LEF1: variants seen among roughly 807,000 people sequenced by gnomAD.
The protein encoded by LEF1 is lymphoid enhancer binding factor 1, also known as lymphoid enhancer-binding factor 1.
A neutral mutation model predicts 51.2 loss-of-function variants in LEF1; 14 were observed. That is an observed-to-expected ratio of 0.27 (90% CI 0.18 to 0.43). The LOEUF is 0.43. Among genes scored for constraint, LEF1 ranks in the 20% least tolerant of loss-of-function variants. The pLI is 1.00. For missense variants in LEF1, 386 were observed against 512.0 expected, an observed-to-expected ratio of 0.75 and a Z score of 2.37; for synonymous variants, 185 against 183.2, an observed-to-expected ratio of 1.01 and a Z score of -0.08.
chr4:108,144,127 T>C (rs984157743), intron 3 of LEF1, among the ~76,000 whole-genome samples: 2 of 152,174 alleles, frequency 1.3e-5, no homozygotes, highest in Non-Finnish European at 2.9e-5. Context: ...GGGACCCCTC[T>C]AGATGAGGCA....
intron 11 of LEF1, among the ~76,000 whole-genome samples, chr4:108,051,854 G>C (rs1737015531): frequency 6.6e-6 from 1 of 152,010 alleles, no homozygotes; most frequent in Admixed American, 6.5e-5. Flanking sequence ...AAGCAATAAA[G>C]GTGAATCTAA....
chr4:108,164,390 T>C (rs182882989), intron 2 of LEF1, among the ~76,000 whole-genome samples: 218 of 152,292 alleles, frequency 1.4e-3, no homozygotes, highest in Admixed American at 3.3e-3. Flanking sequence ...GGTTGACATA[T>C]TGTATGTAAA....
intron 3 of LEF1, among the ~76,000 whole-genome samples, chr4:108,097,759 G>C (rs551280945): frequency 1.6e-3 from 239 of 152,080 alleles, no homozygotes; most frequent in African/African-American, 5.5e-3. Context: ...AATATCTGCT[G>C]CCTTATTCTG....
At chr4:108,149,106 A>G (rs1560824214) in intron 3 of LEF1, among the ~76,000 whole-genome samples, 1 of 152,232 alleles carries the variant, frequency 6.6e-6, no homozygotes, top group Non-Finnish European at 1.5e-5. Context: ...AACTGTTTAC[A>G]TGCTTACTAT....
chr4:108,065,132 G>A (rs1737980673), intron 9 of LEF1, among the ~76,000 whole-genome samples: 3 of 152,166 alleles, frequency 2.0e-5, no homozygotes, highest in Admixed American at 2.0e-4. Flanking sequence ...AAATTAAAAA[G>A]CTTAGATCCC....
intron 3 of LEF1, among the ~76,000 whole-genome samples, chr4:108,092,886 C>T (rs1393914082): frequency 9.0e-6 from 1 of 110,936 alleles, no homozygotes; most frequent in Admixed American, 1.3e-4. Flanking sequence ...CGTCAGGCAG[C>T]AGGGGGTGGG....
chr4:108,157,179 T>TACACACACACACACACACACACAC (rs59867246), intron 3 of LEF1, among the ~76,000 whole-genome samples: 2 of 116,738 alleles, frequency 1.7e-5, no homozygotes, highest in African/African-American at 3.3e-5. Flanking sequence ...TATATATATA[T>TACACACACACACACACACACACAC]ACACACACAC....
At chr4:108,093,012 G>A (rs574387021) in intron 3 of LEF1, among the ~76,000 whole-genome samples, 2 of 150,874 alleles carry the variant, frequency 1.3e-5, no homozygotes, top group African/African-American at 4.9e-5. Context: ...GGTGATAGGA[G>A]AAAGTGTGTA....
chr4:108,066,145 C>T (rs1450774215), intron 9 of LEF1, among the ~76,000 whole-genome samples: 4 of 152,116 alleles, frequency 2.6e-5, no homozygotes, highest in African/African-American at 7.2e-5. Flanking sequence ...TCAAGTAATC[C>T]GCCCCTATAA....
At chr4:108,141,288 G>A (rs532795624) in intron 3 of LEF1, among the ~76,000 whole-genome samples, 3 of 152,172 alleles carry the variant, frequency 2.0e-5, no homozygotes, top group Non-Finnish European at 4.4e-5. Context: ...TCAGCTTGCT[G>A]AAATATGGTT....
At chr4:108,084,882 C>T (rs1739543119) in intron 4 of LEF1, among the ~76,000 whole-genome samples, 2 of 152,012 alleles carry the variant, frequency 1.3e-5, no homozygotes, top group South Asian at 4.2e-4. Flanking sequence ...TTGCTGCCCC[C>T]TTAACTCTGA....
intron 3 of LEF1, among the ~76,000 whole-genome samples, chr4:108,117,737 G>A (rs1741927157): frequency 6.6e-6 from 1 of 152,166 alleles, no homozygotes; most frequent in Admixed American, 6.5e-5. Flanking sequence ...GAGCAGGGAG[G>A]GGATCAGGGT....
chr4:108,145,270 A>C (rs1057434480), intron 3 of LEF1, among the ~76,000 whole-genome samples: 1 of 152,240 alleles, frequency 6.6e-6, no homozygotes, highest in Non-Finnish European at 1.5e-5. Flanking sequence ...AAAAACAGCA[A>C]GAAAATGGCA....
chr4:108,167,464 G>C lies in LEF1; in HGVS notation c.213+91C>G, dbSNP rs533253843. The C allele has an allele frequency of 2.3e-6, 3 of 1,312,550 alleles. No homozygotes were observed. Among genetic ancestry groups the C allele is most frequent in the South Asian group, 2.6e-5 (2 of 76,600 alleles). 81.3% of individuals were successfully genotyped at this position (1,312,550 alleles called of 1,614,324 possible). On this transcript the variant is annotated intron_variant, in intron 1 of 11. Transcript: ENST00000265165. This position sits in a 1 kb window ranked among gnomAD's most constrained non-coding sequence, Gnocchi z 5.7. ...AGGGATCTACTCGGGACCCTCAGCCGGGCGGCCGGGCGCCTTCGTTCCCTT... is the reference window on the plus strand; with the variant it reads ...AGGGATCTACTCGGGACCCTCAGCCCGGCGGCCGGGCGCCTTCGTTCCCTT...
intron 11 of LEF1, among the ~76,000 whole-genome samples, chr4:108,054,822 T>C (rs1265506413): frequency 1.3e-5 from 2 of 152,202 alleles, no homozygotes; most frequent in African/African-American, 4.8e-5. Flanking sequence ...AAAAATTTAG[T>C]GTAGAGATTG....
intron 3 of LEF1, among the ~76,000 whole-genome samples, chr4:108,106,214 G>C (rs188886427): frequency 1.3e-5 from 2 of 152,214 alleles, no homozygotes; most frequent in African/African-American, 4.8e-5. Flanking sequence ...GCATGACAAG[G>C]AGACAAAGAT....
intron 3 of LEF1, among the ~76,000 whole-genome samples, chr4:108,093,915 T>C (rs184815475): frequency 1.1e-4 from 16 of 152,346 alleles, no homozygotes; most frequent in Admixed American, 7.8e-4. Context: ...AACTGCTTAC[T>C]GTGTGCTAAG....
intron 3 of LEF1, among the ~76,000 whole-genome samples, chr4:108,135,650 T>C (rs1264265613): frequency 6.6e-6 from 1 of 152,142 alleles, no homozygotes; most frequent in Non-Finnish European, 1.5e-5. Context: ...GCTTTGTCTA[T>C]GGAGAGCCTC....
At chr4:108,092,939 A>AAAAAC (rs1740136643) in intron 3 of LEF1, among the ~76,000 whole-genome samples, 6 of 90,670 alleles carry the variant, frequency 6.6e-5, no homozygotes, top group South Asian at 4.2e-4. Context: ...AAAAAAAAAA[A>AAAAAC]AAAAAAAAAA....
Sources: allele counts gnomAD v4.1 joint callset (sites outside exome capture counted in the v4.1 genomes callset), GRCh38; gene constraint gnomAD v4.1.1; non-coding constraint Gnocchi (gnomAD v3.1); transcripts MANE v1.5; gene names NCBI Gene and HGNC (gene_info 2026-07-23, HGNC 2026-07-21).